OSBPL2: variants seen among roughly 807,000 people sequenced by gnomAD.
The protein encoded by OSBPL2 is oxysterol binding protein like 2, also known as oxysterol-binding protein-related protein 2.
A neutral mutation model predicts 58.4 loss-of-function variants in OSBPL2; 18 were observed. The ratio of observed to expected loss-of-function variants is 0.31; its 90% confidence interval spans 0.21 to 0.46. OSBPL2 has a LOEUF of 0.46. OSBPL2 is among the 20% of genes least tolerant of loss of function. The pLI, the probability that OSBPL2 is intolerant of heterozygous loss-of-function variation, is 1.00. For missense variants in OSBPL2, 461 were observed against 616.5 expected (o/e 0.75, Z 2.67); for synonymous variants, 221 against 234.1 (o/e 0.94, Z 0.51).
intron 4 of OSBPL2, among the ~76,000 whole-genome samples, chr20:62,271,923 T>TTGTG (rs1283453494): frequency 6.6e-6 from 1 of 152,116 alleles, no homozygotes; most frequent in East Asian, 1.9e-4. Flanking sequence ...TCAGCACAGA[T>TTGTG]TGTGTGTCAG....
chr20:62,289,818 T>C (rs1389416415), intron 12 of OSBPL2, among the ~76,000 whole-genome samples: 1 of 151,934 alleles, frequency 6.6e-6, no homozygotes, highest in Admixed American at 6.6e-5. Context: ...GGCATGAGAA[T>C]CGCTTGTACC....
intron 13 of OSBPL2, among the ~76,000 whole-genome samples, chr20:62,292,378 G>A (rs1328448894): frequency 6.6e-6 from 1 of 152,228 alleles, no homozygotes; most frequent in East Asian, 1.9e-4. Context: ...GACCCAGAAA[G>A]GTTTTGTGAA....
At chr20:62,275,912 A>ATT (rs11472724) in intron 6 of OSBPL2, among the ~76,000 whole-genome samples, 56,529 of 143,146 alleles carry the variant, frequency 0.39, 12,181 homozygotes, top group East Asian at 0.52. Flanking sequence ...ATGATTGAGA[A>ATT]TTTTTTTTTT....
chr20:62,278,888 G>A (rs1157296711), intron 6 of OSBPL2: 8 of 420,044 alleles, frequency 1.9e-5, no homozygotes, highest in East Asian at 4.4e-5. Context: ...TGTTGCCAAC[G>A]TTAGGCCAAG....
At position 62,288,621 on chromosome 20, in the gene OSBPL2, G is replaced by C. The variant is rs570269539; in HGVS notation, c.1126-586G>C. On this transcript the variant is annotated intron_variant, in intron 11 of 13. Coordinates refer to ENST00000313733, the MANE Select transcript of OSBPL2 (RefSeq NM_144498.4). This position sits in a 1 kb window ranked among gnomAD's most constrained non-coding sequence, Gnocchi z 4.8. ...GCAGAGGCCGAAGGCTGTGGGTGCA[G>C]GGTGCTGCCGCAGGCCTGCTCGGGT... Among the ~76,000 whole-genome samples the C allele has an allele frequency of 3.3e-5, 5 of 152,242 alleles. No homozygotes were observed. Among genetic ancestry groups the C allele is most frequent in the African/African-American group, 1.2e-4 (5 of 41,532 alleles).
chr20:62,269,578 G>A lies in OSBPL2; in HGVS notation c.259-2547G>A, dbSNP rs575246036. Among the ~76,000 whole-genome samples, 127 of 152,296 alleles carry A rather than the reference G, an allele frequency of 8.3e-4. 2 individuals carry two copies. In the South Asian group the frequency reaches 0.025, roughly 30 times the overall value. On this transcript the variant is annotated intron_variant, in intron 4 of 13. Coordinates refer to ENST00000313733, the MANE Select transcript of OSBPL2 (RefSeq NM_144498.4). The surrounding 1 kb of genome is among the most constrained non-coding windows in gnomAD (Gnocchi z 4.2). ...CCCATGCTCAGGGCTGCCACCGGCC[G>A]CACTTCCCGGCCTCCCTGGTCCCAA...
At chr20:62,254,372 G>A (rs558264811) in intron 1 of OSBPL2, among the ~76,000 whole-genome samples, 2 of 152,374 alleles carry the variant, frequency 1.3e-5, no homozygotes, top group African/African-American at 2.4e-5. Flanking sequence ...GCTCTGAAGG[G>A]GGAAGCACAT....
intron 1 of OSBPL2, among the ~76,000 whole-genome samples, chr20:62,251,398 C>T (rs929703119): frequency 6.9e-6 from 1 of 145,240 alleles, no homozygotes; most frequent in Non-Finnish European, 1.5e-5. Context: ...GATATTCATA[C>T]TATCGTGACT....
rs1424131666 is a variant in OSBPL2, at chr20:62,269,859, G to T, written c.259-2266G>T. Among the ~76,000 whole-genome samples, 1 of 152,192 alleles carries T rather than the reference G, an allele frequency of 6.6e-6. No homozygotes were observed. Among genetic ancestry groups the T allele is most frequent in the African/African-American group, 2.4e-5 (1 of 41,454 alleles). On this transcript the variant is annotated intron_variant, in intron 4 of 13. Transcript: ENST00000313733. The surrounding 1 kb of genome is among the most constrained non-coding windows in gnomAD (Gnocchi z 4.2). ...GCAGTCTTGGCCACACCCATGTGCC[G>T]GGGCTGCCTCAGTTGGAATCCAGTT...
intron 4 of OSBPL2, among the ~76,000 whole-genome samples, chr20:62,265,345 G>A (rs532695567): frequency 6.6e-6 from 1 of 152,298 alleles, no homozygotes; most frequent in East Asian, 1.9e-4. Context: ...ATTGCTCAAA[G>A]TGTTCTACCT....
intron 6 of OSBPL2, among the ~76,000 whole-genome samples, chr20:62,274,613 CAG>C (rs1372360454): frequency 6.6e-6 from 1 of 152,236 alleles, no homozygotes; most frequent in East Asian, 1.9e-4. Context: ...GCCCAGCACA[CAG>C]AGCTCACTCT....
intron 6 of OSBPL2, among the ~76,000 whole-genome samples, chr20:62,275,037 G>C (rs1175281682): frequency 6.6e-6 from 1 of 152,134 alleles, no homozygotes; most frequent in Non-Finnish European, 1.5e-5. Context: ...TAGAAAAGAT[G>C]AATCAGGCAT....
In OSBPL2 at chr20:62,289,405, C is replaced by T. The variant is rs572760982; in HGVS notation, c.1249+75C>T. ...CTAGGGTGGGAGAGCACAAAGCACT[C>T]GCTGGCAGAAGCCAGGCTCTCGCCT... On this transcript the variant is annotated intron_variant, in intron 12 of 13. Coordinates refer to ENST00000313733, the MANE Select transcript of OSBPL2 (RefSeq NM_144498.4). 2.5e-5 allele frequency: 38 copies of T among 1,527,788 alleles called. 2 individuals carry two copies. In the South Asian group the frequency reaches 3.9e-4, roughly 16 times the overall value. The allele number at this position is 1,527,788 out of a possible 1,614,324, so 94.6% of individuals were successfully genotyped here.
chr20:62,282,027 C>CT, intron 9 of OSBPL2, 148 bp downstream of exon 9: 1 of 471,068 alleles, frequency 2.1e-6, no homozygotes, highest in Non-Finnish European at 3.9e-6. Context: ...AAGTATGACT[C>CT]TTTTTTGTTT....
At position 62,246,656 on chromosome 20, in the gene OSBPL2, C is replaced by T. The variant is rs561067871; in HGVS notation, c.-129+8059C>T. On this transcript the variant is annotated intron_variant, in intron 1 of 13. Transcript: ENST00000313733. ...GTCAGAGAGGCCCTGACTGGTCACT[C>T]CTGCCCCAGGGCTTAGAAGGTGCTG... Among the ~76,000 whole-genome samples, 7 of 152,284 alleles carry T rather than the reference C, an allele frequency of 4.6e-5. No homozygotes were observed. In the East Asian group the frequency reaches 1.2e-3, roughly 25 times the overall value.
intron 7 of OSBPL2, chr20:62,280,185 A>G: frequency 1.8e-6 from 2 of 1,103,788 alleles, no homozygotes; most frequent in Non-Finnish European, 2.4e-6. Context: ...ACAAATACAT[A>G]CAGAAATAAG....
rs185472799 is a variant in OSBPL2, at chr20:62,286,982, A to G, written c.1125+271A>G. ...GACATGCAGGTCGAGGTGTGGACGC[A>G]TGCTCAGCTGCGTGTCAGAGCTGCC... On this transcript the variant is annotated intron_variant, in intron 11 of 13. Coordinates refer to ENST00000313733, the MANE Select transcript of OSBPL2 (RefSeq NM_144498.4). 3.2e-3 allele frequency among the ~76,000 whole-genome samples: 480 copies of G among 152,340 alleles called. 2 individuals carry two copies. The highest frequency in any genetic ancestry group is 0.011 in the African/African-American group (468 of 41,582).
At position 62,288,864 on chromosome 20, in the gene OSBPL2, C is replaced by T. The variant is rs1983311681; in HGVS notation, c.1126-343C>T. 6.6e-6 allele frequency among the ~76,000 whole-genome samples: 1 copy of T among 152,042 alleles called. No homozygotes were observed. Among genetic ancestry groups the T allele is most frequent in the African/African-American group, 2.4e-5 (1 of 41,372 alleles). On this transcript the variant is annotated intron_variant, in intron 11 of 13. Transcript: ENST00000313733. The surrounding 1 kb of genome is among the most constrained non-coding windows in gnomAD (Gnocchi z 4.8). ...GCTGAGGGCAGGAAAGGAGCAGGTACAAGCTGAGGGTTTAGCAGTGGGAGA... is the reference window on the plus strand; with the variant it reads ...GCTGAGGGCAGGAAAGGAGCAGGTATAAGCTGAGGGTTTAGCAGTGGGAGA...
At chr20:62,286,562 C>T in intron 10 of OSBPL2, 21 bp from the exon 11 acceptor site, 1 of 1,605,934 alleles carries the variant, frequency 6.2e-7, no homozygotes, top group South Asian at 1.1e-5. Context: ...GGCAGCCACA[C>T]AGCAGGGTTC....
Sources: allele counts gnomAD v4.1 joint callset (sites outside exome capture counted in the v4.1 genomes callset), GRCh38; gene constraint gnomAD v4.1.1; non-coding constraint Gnocchi (gnomAD v3.1); transcripts MANE v1.5; gene names NCBI Gene and HGNC (gene_info 2026-07-23, HGNC 2026-07-21).